CAMTA1: variants seen among roughly 807,000 people sequenced by gnomAD.
CAMTA1 encodes calmodulin binding transcription activator 1.
Under a neutral mutation model 170.9 loss-of-function variants are expected in CAMTA1, and 27 were observed. That is an observed-to-expected ratio of 0.16 (90% CI 0.12 to 0.22). CAMTA1 has a LOEUF of 0.22. Among genes scored for constraint, CAMTA1 ranks in the 10% least tolerant of loss-of-function variants. The pLI is 1.00. For synonymous variants in CAMTA1, 833 were observed against 891.5 expected (o/e 0.93, Z 1.17); for missense variants, 1,619 against 2,217.2 (o/e 0.73, Z 5.42).
intron 17 of CAMTA1, 36 bp downstream of exon 17, chr1:7,745,058 A>G: frequency 6.4e-7 from 1 of 1,558,128 alleles, no homozygotes; most frequent in Non-Finnish European, 8.7e-7. Context: ...CCCAGCATAG[A>G]TTCCCGGATG....
chr1:7,569,264 T>C (rs1039436586), intron 6 of CAMTA1, among the ~76,000 whole-genome samples: 1 of 141,442 alleles, frequency 7.1e-6, no homozygotes, highest in African/African-American at 2.9e-5. Context: ...CAAATCACCA[T>C]CATCATCATC....
At chr1:6,856,166 A>T (rs930599236) in intron 3 of CAMTA1, among the ~76,000 whole-genome samples, 4 of 151,942 alleles carry the variant, frequency 2.6e-5, no homozygotes, top group African/African-American at 9.7e-5. Flanking sequence ...GCTTGTAGAG[A>T]TGGGTACTGG....
At chr1:6,818,273 G>A (rs1312115713) in intron 1 of CAMTA1, among the ~76,000 whole-genome samples, 1 of 152,174 alleles carries the variant, frequency 6.6e-6, no homozygotes, top group African/African-American at 2.4e-5. Context: ...GGAGGCAGAG[G>A]TTGCACTGAG....
At chr1:7,425,805 A>G (rs940209716) in intron 5 of CAMTA1, among the ~76,000 whole-genome samples, 4 of 151,274 alleles carry the variant, frequency 2.6e-5, no homozygotes, top group Non-Finnish European at 5.9e-5. Context: ...AGACGAGGGG[A>G]CTCCCAGTCT....
Position 7,759,538 on chromosome 1 carries a change from T to G in CAMTA1, c.4989+3870T>G, listed in dbSNP as rs371278915. 3.9e-5 allele frequency among the ~76,000 whole-genome samples: 6 copies of G among 152,344 alleles called. No individual in the cohort carries two copies. In the East Asian group the frequency reaches 9.6e-4, roughly 24 times the overall value. ...TTTTGTTTTTTGTTTTTCTGTTTTT[T>G]GTCTTGGACACAATAGCTGTGTTTA... is the stretch of plus-strand genomic sequence containing the variant. On this transcript the variant is annotated intron_variant, in intron 22 of 22. Transcript: ENST00000303635.
At chr1:7,678,355 A>C (rs2096145393) in intron 11 of CAMTA1, among the ~76,000 whole-genome samples, 1 of 152,230 alleles carries the variant, frequency 6.6e-6, no homozygotes. Context: ...TGGCAAGCCC[A>C]GGATCACGAC....
chr1:6,997,174 A>G lies in CAMTA1; in HGVS notation c.235-94130A>G, dbSNP rs868323099. ...TTTTGTGAATGTTCTACACGTACTCAAAAAGGATGTGCATTCTCTGTTGGA... is the reference window on the plus strand; with the variant it reads ...TTTTGTGAATGTTCTACACGTACTCGAAAAGGATGTGCATTCTCTGTTGGA... On this transcript the variant is annotated intron_variant, in intron 3 of 22. Transcript: ENST00000303635. Among the ~76,000 whole-genome samples, 3 of 152,318 alleles carry G rather than the reference A, an allele frequency of 2.0e-5. 1 individual carries two copies. The South Asian group carries it at 6.2e-4, about 32-fold the overall frequency.
rs976780054 is a variant in CAMTA1 at position 7,588,671 on chromosome 1, G to A, written c.511-51729G>A. ...CCTTGCAGGGCAACCCCAGGGCCAC[G>A]ACTGGGCTCCTGGCAGCACGGCCAG... On this transcript the variant is annotated intron_variant, in intron 6 of 22. Coordinates refer to ENST00000303635, the MANE Select transcript of CAMTA1 (RefSeq NM_015215.4). The surrounding 1 kb of genome is among the most constrained non-coding windows in gnomAD (Gnocchi z 5.8). 8.5e-5 allele frequency among the ~76,000 whole-genome samples: 13 copies of A among 152,176 alleles called. No homozygotes were observed. The highest frequency in any genetic ancestry group is 2.7e-4 in the African/African-American group (11 of 41,438).
chr1:7,027,869 A>T (rs1702225769), intron 3 of CAMTA1, among the ~76,000 whole-genome samples: 1 of 150,876 alleles, frequency 6.6e-6, no homozygotes, highest in Non-Finnish European at 1.5e-5. Flanking sequence ...ATGTTCTTTT[A>T]CTGCCAACCA....
chr1:7,741,247 G>T (rs559557010), intron 16 of CAMTA1, among the ~76,000 whole-genome samples: 1 of 152,080 alleles, frequency 6.6e-6, no homozygotes, highest in Non-Finnish European at 1.5e-5. Flanking sequence ...ATAGATGTGC[G>T]CTGGATAGGC....
intron 7 of CAMTA1, among the ~76,000 whole-genome samples, chr1:7,648,942 C>G (rs1435987594): frequency 6.6e-6 from 1 of 152,222 alleles, no homozygotes; most frequent in African/African-American, 2.4e-5. Context: ...ACCAGCACCT[C>G]TTTGGGCCAC....
At chr1:7,759,148 C>CAGAAAAGAAA (rs556415885) in intron 22 of CAMTA1, among the ~76,000 whole-genome samples, 137 of 151,380 alleles carry the variant, frequency 9.1e-4, no homozygotes, top group African/African-American at 3.1e-3. Context: ...GACCCTGTCC[C>CAGAAAAGAAA]AGAAAAGAAA....
chr1:7,019,689 A>G lies in CAMTA1; in HGVS notation c.235-71615A>G, dbSNP rs114875781. On this transcript the variant is annotated intron_variant, in intron 3 of 22. Transcript: ENST00000303635. ...TGTTCTGCTGCTGAGCAAACTTGGT[A>G]AAAATGTTCATCGAGATGGAAAACA... is the stretch of plus-strand genomic sequence containing the variant. Among the ~76,000 whole-genome samples, 718 of 152,328 alleles carry G rather than the reference A, an allele frequency of 4.7e-3. 8 individuals carry two copies. The highest frequency in any genetic ancestry group is 0.017 in the African/African-American group (701 of 41,568).
chr1:7,343,729 C>A (rs1387037155), intron 5 of CAMTA1, among the ~76,000 whole-genome samples: 1 of 152,190 alleles, frequency 6.6e-6, no homozygotes. Flanking sequence ...CTTATAAGTG[C>A]ATCCTTAAAT....
chr1:6,943,086 G>C (rs933348928), intron 3 of CAMTA1, among the ~76,000 whole-genome samples: 1 of 151,988 alleles, frequency 6.6e-6, no homozygotes, highest in African/African-American at 2.4e-5. Context: ...CCAGCAACCT[G>C]CTTGTGGCTG....
intron 4 of CAMTA1, among the ~76,000 whole-genome samples, chr1:7,194,628 A>G (rs1655172010): frequency 6.6e-6 from 1 of 152,228 alleles, no homozygotes; most frequent in African/African-American, 2.4e-5. Flanking sequence ...TTACAGCGAT[A>G]CTTGGAGGAT....
At position 7,224,025 on chromosome 1, in the gene CAMTA1, G is replaced by A. The variant is rs908959989; in HGVS notation, c.303-25466G>A. Among the ~76,000 whole-genome samples, 3 of 152,176 alleles carry A rather than the reference G, an allele frequency of 2.0e-5. No homozygotes were observed. Among genetic ancestry groups the A allele is most frequent in the African/African-American group, 7.2e-5 (3 of 41,436 alleles). On this transcript the variant is annotated intron_variant, in intron 4 of 22. Transcript: ENST00000303635. This position sits in a 1 kb window ranked among gnomAD's most constrained non-coding sequence, Gnocchi z 5.2. ...CCAGATGACCAGAGATCTTCTGGGT[G>A]TGTAATGACCACAGACTAATCTTAA...
rs75092612 is a variant in CAMTA1 at position 7,592,680 on chromosome 1, C to G, written c.511-47720C>G. The stretch of plus-strand genomic sequence containing the variant: ...GCCTCTGGGAGGCTTTGGGTCAGGT[C>G]GGAAGCTTGTCTGTGCCCTGAACAT... On this transcript the variant is annotated intron_variant, in intron 6 of 22. Transcript: ENST00000303635. This position sits in a 1 kb window ranked among gnomAD's most constrained non-coding sequence, Gnocchi z 4.6. Among the ~76,000 whole-genome samples the G allele has an allele frequency of 5.9e-3, 898 of 152,148 alleles. 11 individuals carry two copies. The highest frequency in any genetic ancestry group is 0.021 in the African/African-American group (874 of 41,518).
intron 4 of CAMTA1, among the ~76,000 whole-genome samples, chr1:7,141,626 G>A (rs997662551): frequency 1.3e-5 from 2 of 152,192 alleles, no homozygotes; most frequent in African/African-American, 2.4e-5. Context: ...CACACTCAGC[G>A]TTACTTTTCA....
Sources: gnomAD v4.1 joint callset for allele counts (sites outside exome capture counted in the v4.1 genomes callset) on GRCh38, gnomAD v4.1.1 for gene constraint, Gnocchi (gnomAD v3.1) non-coding constraint, MANE v1.5 for transcripts, NCBI Gene and HGNC (gene_info 2026-07-23, HGNC 2026-07-21) for gene names.